CSF3R: variants seen among roughly 807,000 people sequenced by gnomAD.
CSF3R encodes the protein colony stimulating factor 3 receptor.
In CSF3R, 52 loss-of-function variants were observed where a neutral mutation model predicts 84.4. That is an observed-to-expected ratio of 0.62 (90% CI 0.49 to 0.78). The LOEUF (loss-of-function observed/expected upper bound fraction) is 0.78. Ranked by LOEUF, CSF3R falls within the 30% of genes least tolerant of loss-of-function variation. The probability of loss-of-function intolerance (pLI) is 0.00; values close to 1 mark genes in which losing one functional copy is unlikely to be tolerated. For synonymous variants in CSF3R, 384 were observed against 429.1 expected (o/e 0.89, Z 1.30); for missense variants, 890 against 1,055.7 (o/e 0.84, Z 2.17).
In CSF3R at chr1:36,475,643, G is replaced by A; in HGVS notation, c.95C>T (p.Ser32Leu). ...SLEECGHISV[S>L]APIVHLGDPI... is the part of the protein sequence containing the mutation. ...ATCCCCCAGGTGGACGATGGGGGCT[G>A]AGACACTGATGTGCCCGCACTCCTC... The change falls in exon 4 of 17, where the codon TCA (serine) becomes TTA (leucine). Residue 32 changes from serine to leucine, a missense_variant. Physicochemically the swap from Ser to Leu is moderately radical, Grantham distance 145 (BLOSUM62 -2). Coordinates refer to ENST00000373106, the MANE Select transcript of CSF3R (RefSeq NM_000760.4). 1 of 1,607,808 alleles carries A rather than the reference G, an allele frequency of 6.2e-7. No individual in the cohort carries two copies. Among genetic ancestry groups the A allele is most frequent in the Non-Finnish European group, 8.5e-7 (1 of 1,175,340 alleles).
rs1650798132 is a variant in CSF3R, at chr1:36,472,237, C to G, written c.997+1G>C. 1 of 1,614,174 alleles carries G rather than the reference C, an allele frequency of 6.2e-7. No homozygotes were observed. Among genetic ancestry groups the G allele is most frequent in the Non-Finnish European group, 8.5e-7 (1 of 1,180,018 alleles). On this transcript the variant is annotated splice_donor_variant, in intron 8 of 16. Transcript: ENST00000373106. LOFTEE classifies it high-confidence loss of function. The surrounding 1 kb of genome is among the most constrained non-coding windows in gnomAD (Gnocchi z 5.0). ...CTCCCAGCCTCTCATCACCTCCTTACCCCGTTCGGTAGTTCTCAGCTCCAG... is the reference window on the plus strand; with the variant it reads ...CTCCCAGCCTCTCATCACCTCCTTAGCCCGTTCGGTAGTTCTCAGCTCCAG...
chr1:36,469,583 T>C (rs1650568409), intron 11 of CSF3R, 69 bp downstream of exon 11: 5 of 1,575,440 alleles, frequency 3.2e-6, no homozygotes, highest in Non-Finnish European at 3.5e-6. Context: ...GGTTGTCCCA[T>C]GCCTATTGTC....
rs772516569 is a variant in CSF3R at position 36,475,475 on chromosome 1, G to T, written c.263C>A (p.Thr88Asn). ...CTGAGTGTGGTTGAGGTGGGGCAGG[G>T]TGATGATAGATTCCTGGGTCCCATC... ...LSDGTQESII[T>N]LPHLNHTQAF... The change falls in exon 4 of 17, where the codon ACC (threonine) becomes AAC (asparagine). Residue 88 changes from threonine (T) to asparagine (N), a missense_variant. Coordinates refer to ENST00000373106, the MANE Select transcript of CSF3R (RefSeq NM_000760.4). 1.9e-6 allele frequency: 3 copies of T among 1,614,202 alleles called. No individual in the cohort carries two copies. Among genetic ancestry groups the T allele is most frequent in the Non-Finnish European group, 2.5e-6 (3 of 1,180,032 alleles).
chr1:36,466,986 A>G lies in CSF3R; in HGVS notation c.2041-159T>C. ...CAAAGCACTAGTATGTTCCTCACAC[A>G]TGCCTGACACATGCCATGCACCGTT... On this transcript the variant is annotated intron_variant, in intron 16 of 16. Coordinates refer to ENST00000373106, the MANE Select transcript of CSF3R (RefSeq NM_000760.4). The surrounding 1 kb of genome is among the most constrained non-coding windows in gnomAD (Gnocchi z 4.6). 6 of 1,548,690 alleles carry G rather than the reference A, an allele frequency of 3.9e-6. No homozygotes were observed. The highest frequency in any genetic ancestry group is 1.1e-5 in the South Asian group (1 of 87,980).
At position 36,466,948 on chromosome 1, in the gene CSF3R, A is replaced by C; in HGVS notation, c.2041-121T>G. Reference sequence around the variant, plus strand: ...AACTGTTGTTACTGGTGGAACACAAAGGGTACCACTTGCAAAGCACTAGTA... The same window carrying C: ...AACTGTTGTTACTGGTGGAACACAACGGGTACCACTTGCAAAGCACTAGTA... On this transcript the variant is annotated intron_variant, in intron 16 of 16. Transcript: ENST00000373106. The surrounding 1 kb of genome is among the most constrained non-coding windows in gnomAD (Gnocchi z 4.6). 3 of 1,609,026 alleles carry C rather than the reference A, an allele frequency of 1.9e-6. No individual in the cohort carries two copies. The highest frequency in any genetic ancestry group is 2.5e-6 in the Non-Finnish European group (3 of 1,177,850).
At chr1:36,480,938 C>T (rs1651480625) in intron 2 of CSF3R, among the ~76,000 whole-genome samples, 2 of 152,200 alleles carry the variant, frequency 1.3e-5, no homozygotes, top group African/African-American at 4.8e-5. Context: ...AGGGAACAGC[C>T]TGGATTTCGG....
Position 36,466,377 on chromosome 1 carries a change from C to G in CSF3R, c.2491G>C (p.Glu831Gln). Residue 831 changes from glutamate (E) to glutamine (Q), a missense_variant, in exon 17 of 17, where the codon GAG becomes CAG. Glu to Gln is a conservative substitution (Grantham distance 29, BLOSUM62 2). Transcript: ENST00000373106. This position sits in a 1 kb window ranked among gnomAD's most constrained non-coding sequence, Gnocchi z 4.6. The stretch of plus-strand genomic sequence containing the variant: ...AAGCCCTAGAAGCTCCCCAGCGCCT[C>G]CATCCCATGGACCCGGATCCCCTGC... ...LLQGIRVHGM[E>Q]ALGSF 6.2e-7 allele frequency: 1 copy of G among 1,613,162 alleles called. No homozygotes were observed. The highest frequency in any genetic ancestry group is 8.5e-7 in the Non-Finnish European group (1 of 1,179,982).
rs763953521 is a variant in CSF3R, at chr1:36,469,768, T to C, written c.1358A>G (p.Asn453Ser). ...AATCACATAGCCCTGAGGCCATGGATTGGGGGGCTCCCAGCCTACCCAGAG... is the reference window on the plus strand; with the variant it reads ...AATCACATAGCCCTGAGGCCATGGACTGGGGGGCTCCCAGCCTACCCAGAG... ...HSLWVGWEPP[N>S]PWPQGYVIEW... is the part of the protein sequence containing the mutation. The change falls in exon 11 of 17, where the codon AAT (asparagine) becomes AGT (serine). Residue 453 changes from asparagine to serine, a missense_variant. Coordinates refer to ENST00000373106, the MANE Select transcript of CSF3R (RefSeq NM_000760.4). 112 of 1,613,730 alleles carry C rather than the reference T, an allele frequency of 6.9e-5. No individual in the cohort carries two copies. Among genetic ancestry groups the C allele is most frequent in the South Asian group, 8.8e-5 (8 of 91,060 alleles).
At position 36,466,416 on chromosome 1, in the gene CSF3R, T is replaced by A; in HGVS notation, c.2452A>T (p.Asn818Tyr). The A allele has an allele frequency of 6.2e-7, 1 of 1,613,640 alleles. No individual in the cohort carries two copies. The highest frequency in any genetic ancestry group is 2.2e-5 in the East Asian group (1 of 44,882). ...EDDCVFGPLL[N>Y]FPLLQGIRVH... Reference sequence around the variant, plus strand: ...CGGATCCCCTGCAGGAGGGGGAAGTTGAGCAGTGGCCCAAAGACACAGTCG... The same window carrying A: ...CGGATCCCCTGCAGGAGGGGGAAGTAGAGCAGTGGCCCAAAGACACAGTCG... The change falls in exon 17 of 17, where the codon AAC becomes TAC. Residue 818 changes from asparagine (N) to tyrosine (Y), a missense_variant. Coordinates refer to ENST00000373106, the MANE Select transcript of CSF3R (RefSeq NM_000760.4). This position sits in a 1 kb window ranked among gnomAD's most constrained non-coding sequence, Gnocchi z 4.6.
In CSF3R at chr1:36,472,491, G is replaced by A; in HGVS notation, c.843+26C>T. ...CTGCCCCCTGCCCCCACCACCTCAGGCTCTCCAGGTTGCCCTCTGCCTCAC... is the reference window on the plus strand; with the variant it reads ...CTGCCCCCTGCCCCCACCACCTCAGACTCTCCAGGTTGCCCTCTGCCTCAC... On this transcript the variant is annotated intron_variant, in intron 7 of 16. Transcript: ENST00000373106. This position sits in a 1 kb window ranked among gnomAD's most constrained non-coding sequence, Gnocchi z 5.0. The A allele has an allele frequency of 6.2e-7, 1 of 1,614,092 alleles. No homozygotes were observed. The highest frequency in any genetic ancestry group is 1.7e-5 in the Admixed American group (1 of 60,020).
At chr1:36,471,794 T>C in intron 9 of CSF3R, 148 bp from the exon 10 acceptor site, 1 of 800,716 alleles carries the variant, frequency 1.2e-6, no homozygotes, top group Non-Finnish European at 2.0e-6. Flanking sequence ...TTCCCTCTGT[T>C]CCCTTGTGCT....
chr1:36,473,000 T>G lies in CSF3R; in HGVS notation c.674-314A>C. On this transcript the variant is annotated intron_variant, in intron 6 of 16. Coordinates refer to ENST00000373106, the MANE Select transcript of CSF3R (RefSeq NM_000760.4). This position sits in a 1 kb window ranked among gnomAD's most constrained non-coding sequence, Gnocchi z 5.0. ...GTGAGGCCTTTCTTGACCAGCATAT[T>G]AAAATAGCCAGTGCTCCCCTTCCCC... 2 of 429,834 alleles carry G rather than the reference T, an allele frequency of 4.7e-6. No individual in the cohort carries two copies. The highest frequency in any genetic ancestry group is 7.3e-5 in the South Asian group (2 of 27,236). The allele number at this position is 429,834 out of a possible 1,614,324, so 26.6% of individuals were successfully genotyped here.
In CSF3R at chr1:36,475,607, G is replaced by T; in HGVS notation, c.131C>A (p.Ala44Asp). 1 of 1,608,308 alleles carries T rather than the reference G, an allele frequency of 6.2e-7. No individual in the cohort carries two copies. The highest frequency in any genetic ancestry group is 8.5e-7 in the Non-Finnish European group (1 of 1,175,182). The change falls in exon 4 of 17, where the codon GCC becomes GAC. Residue 44 changes from alanine to aspartate, a missense_variant. Ala to Asp is a moderately radical substitution (Grantham distance 126). Transcript: ENST00000373106. Reference protein sequence around the residue: ...PIVHLGDPITASCIIKQNCSH... With the variant: ...PIVHLGDPITDSCIIKQNCSH... ...GCAGTTCTGCTTGATGATGCAGGAGGCTGTGATGGGATCCCCCAGGTGGAC... is the reference window on the plus strand; with the variant it reads ...GCAGTTCTGCTTGATGATGCAGGAGTCTGTGATGGGATCCCCCAGGTGGAC...
chr1:36,482,996 C>T (rs1557603607), upstream of CSF3R: 2 of 152,278 alleles, frequency 1.3e-5, no homozygotes, highest in African/African-American at 2.4e-5. Flanking sequence ...CTCCCTTGCG[C>T]CTTCGAGGGC....
intron 10 of CSF3R, 93 bp from the exon 11 acceptor site, chr1:36,469,933 A>G (rs1179573229): frequency 7.2e-7 from 1 of 1,380,666 alleles, no homozygotes; most frequent in Non-Finnish European, 1.0e-6. Context: ...TTTGCTATTT[A>G]CAGGCTGGGT....
In CSF3R at chr1:36,473,801, T is replaced by A. The variant is rs766087534; in HGVS notation, c.448A>T (p.Thr150Ser). The A allele has an allele frequency of 1.9e-6, 3 of 1,614,166 alleles. No individual in the cohort carries two copies. The highest frequency in any genetic ancestry group is 2.2e-5 in the South Asian group (2 of 91,074). ...LICQWEPGPE[T>S]HLPTSFTLKS... The stretch of plus-strand genomic sequence containing the variant: ...AGAGTGAAGCTGGTGGGTAGGTGGG[T>A]CTCAGGTCCTGGCTCCCACTGGCAG... The change falls in exon 5 of 17, where the codon ACC becomes TCC. Residue 150 changes from threonine to serine, a missense_variant. Physicochemically the swap from Thr to Ser is moderately conservative, Grantham distance 58 (BLOSUM62 1). Transcript: ENST00000373106.
chr1:36,468,318 A>C, intron 12 of CSF3R, 97 bp from the exon 13 acceptor site: 2 of 1,329,140 alleles, frequency 1.5e-6, no homozygotes, highest in Non-Finnish European at 2.0e-6. Context: ...GGGGTGGGTG[A>C]GAAAAGAGTC....
chr1:36,479,647 G>A (rs1462050865), intron 2 of CSF3R, 131 bp from the exon 3 acceptor site: 1 of 738,074 alleles, frequency 1.4e-6, no homozygotes. Flanking sequence ...CAAAATGGAA[G>A]TAACAGCAGC....
rs538923210 is a variant in CSF3R at position 36,469,727 on chromosome 1, G to C, written c.1399C>G (p.Pro467Ala). ...TTGTTGCTATTGCTCGCGCTGGGGGGGCCCAGGCCCCACTCAATCACATAG... is the reference window on the plus strand; with the variant it reads ...TTGTTGCTATTGCTCGCGCTGGGGGCGCCCAGGCCCCACTCAATCACATAG... ...QGYVIEWGLG[P>A]PSASNSNKTW... Residue 467 changes from proline (P) to alanine (A), a missense_variant, in exon 11 of 17, where the codon CCC becomes GCC. Pro to Ala is a conservative substitution (Grantham distance 27). Transcript: ENST00000373106. The C allele has an allele frequency of 4.3e-6, 7 of 1,614,064 alleles. No homozygotes were observed. Among genetic ancestry groups the C allele is most frequent in the Middle Eastern group, 1.6e-4 (1 of 6,084 alleles).
Sources: allele counts gnomAD v4.1 joint callset (sites outside exome capture counted in the v4.1 genomes callset), GRCh38; gene constraint gnomAD v4.1.1; non-coding constraint Gnocchi (gnomAD v3.1); transcripts MANE v1.5; gene names NCBI Gene and HGNC (gene_info 2026-07-23, HGNC 2026-07-21).